The following TRPC6 variants were observed in gnomAD, a reference collection of about 807,000 sequenced individuals.
TRPC6 encodes short transient receptor potential channel 6.
A neutral mutation model predicts 90.7 loss-of-function variants in TRPC6; 55 were observed. The observed-to-expected ratio is 0.61, with a 90% CI of 0.49 to 0.76. The LOEUF (loss-of-function observed/expected upper bound fraction) is 0.76. TRPC6 is among the 30% of genes least tolerant of loss of function. The pLI is 0.00. For synonymous variants in TRPC6, 393 were observed against 393.0 expected, an observed-to-expected ratio of 1.00 and a Z score of 0.00; for missense variants, 989 against 1,122.7, an observed-to-expected ratio of 0.88 and a Z score of 1.70.
At chr11:101,533,872 C>T (rs1220812829) in intron 1 of TRPC6, among the ~76,000 whole-genome samples, 1 of 152,144 alleles carries the variant, frequency 6.6e-6, no homozygotes, top group Non-Finnish European at 1.5e-5. Context: ...GTATTCACAG[C>T]CCCACTCAGG....
At chr11:101,545,331 A>T (rs983597727) in intron 1 of TRPC6, among the ~76,000 whole-genome samples, 1 of 152,162 alleles carries the variant, frequency 6.6e-6, no homozygotes, top group Admixed American at 6.6e-5. Context: ...AGTATATAGG[A>T]GGGTGTGCCT....
chr11:101,582,864 G>A lies in TRPC6; in HGVS notation c.170+470C>T, dbSNP rs562187404. ...CGCTAAGCCAAGCGTGGAGACCGCC[G>A]GGCGCACCCAGCACCCAGGCAGCTC... On this transcript the variant is annotated intron_variant, in intron 1 of 12. Transcript: ENST00000344327. Among the ~76,000 whole-genome samples the A allele has an allele frequency of 9.2e-5, 14 of 152,180 alleles. No individual in the cohort carries two copies. In the South Asian group the frequency reaches 2.9e-3, roughly 32 times the overall value.
chr11:101,474,255 CTATAA>C (rs1176139511), intron 6 of TRPC6, among the ~76,000 whole-genome samples: 4 of 152,106 alleles, frequency 2.6e-5, no homozygotes, highest in African/African-American at 7.2e-5. Context: ...TATAATTACA[CTATAA>C]TATAATTTTA....
At chr11:101,546,693 C>G (rs1861314465) in intron 1 of TRPC6, among the ~76,000 whole-genome samples, 1 of 152,100 alleles carries the variant, frequency 6.6e-6, no homozygotes, top group South Asian at 2.1e-4. Flanking sequence ...ATTTGGGAAG[C>G]AGTGGATTTC....
At chr11:101,502,006 G>A (rs563162956) in intron 2 of TRPC6, among the ~76,000 whole-genome samples, 1 of 152,106 alleles carries the variant, frequency 6.6e-6, no homozygotes, top group Non-Finnish European at 1.5e-5. Context: ...TTAGCAAAAA[G>A]GTATGCATGT....
At chr11:101,563,310 G>GTGAAAA (rs1861755840) in intron 1 of TRPC6, among the ~76,000 whole-genome samples, 1 of 152,158 alleles carries the variant, frequency 6.6e-6, no homozygotes, top group African/African-American at 2.4e-5. Flanking sequence ...GTTGAGTCAG[G>GTGAAAA]TAGTTGTGAA....
intron 10 of TRPC6, among the ~76,000 whole-genome samples, chr11:101,468,049 C>T (rs1859192516): frequency 6.6e-6 from 1 of 152,130 alleles, no homozygotes; most frequent in Admixed American, 6.6e-5. Context: ...TTGCAATGAC[C>T]CTAATCTGCT....
chr11:101,511,985 T>G (rs190258086), intron 1 of TRPC6, among the ~76,000 whole-genome samples: 1 of 152,034 alleles, frequency 6.6e-6, no homozygotes, highest in East Asian at 1.9e-4. Context: ...AGAGCAAGAC[T>G]CAGTCTCAAA....
chr11:101,465,557 C>T (rs1859123954), intron 10 of TRPC6, among the ~76,000 whole-genome samples: 1 of 151,936 alleles, frequency 6.6e-6, no homozygotes, highest in Non-Finnish European at 1.5e-5. Flanking sequence ...TCTCTGATAT[C>T]CTTTCTTTGG....
chr11:101,569,463 A>T (rs1861908339), intron 1 of TRPC6, among the ~76,000 whole-genome samples: 1 of 152,214 alleles, frequency 6.6e-6, no homozygotes, highest in South Asian at 2.1e-4. Context: ...GATCAAAGAG[A>T]CAAAAAATTA....
chr11:101,559,416 C>A (rs1353424290), intron 1 of TRPC6, among the ~76,000 whole-genome samples: 1 of 152,136 alleles, frequency 6.6e-6, no homozygotes, highest in Non-Finnish European at 1.5e-5. Flanking sequence ...ACTAGCCCAG[C>A]AATTCCCTAG....
chr11:101,561,384 C>T (rs1031938339), intron 1 of TRPC6, among the ~76,000 whole-genome samples: 1 of 152,142 alleles, frequency 6.6e-6, no homozygotes, highest in Non-Finnish European at 1.5e-5. Flanking sequence ...TCATTCATTT[C>T]AGTTAGAATA....
chr11:101,557,598 T>C (rs1861588808), intron 1 of TRPC6, among the ~76,000 whole-genome samples: 2 of 147,734 alleles, frequency 1.4e-5, no homozygotes, highest in South Asian at 2.1e-4. Context: ...TAATTTTACA[T>C]ACAGAAAACT....
intron 1 of TRPC6, among the ~76,000 whole-genome samples, chr11:101,511,625 T>C (rs1196616852): frequency 2.0e-5 from 3 of 152,098 alleles, no homozygotes; most frequent in Non-Finnish European, 4.4e-5. Flanking sequence ...ACAAAGGAAG[T>C]TGAAAGCCGT....
intron 1 of TRPC6, among the ~76,000 whole-genome samples, chr11:101,516,540 C>T (rs545810981): frequency 1.3e-5 from 2 of 152,224 alleles, no homozygotes; most frequent in Admixed American, 1.3e-4. Flanking sequence ...TCTTTGCATG[C>T]CCTAAACAAT....
At chr11:101,549,385 C>CAT (rs10624249) in intron 1 of TRPC6, among the ~76,000 whole-genome samples, 36,758 of 151,334 alleles carry the variant, frequency 0.24, 4,759 homozygotes, top group East Asian at 0.4. Context: ...GCAAAACAAA[C>CAT]ATGTGAATAA....
intron 10 of TRPC6, among the ~76,000 whole-genome samples, chr11:101,465,712 T>C (rs1859129191): frequency 6.6e-6 from 1 of 152,122 alleles, no homozygotes; most frequent in Non-Finnish European, 1.5e-5. Flanking sequence ...AGGTTCTTAG[T>C]TTTTTCGCAC....
intron 1 of TRPC6, among the ~76,000 whole-genome samples, chr11:101,582,063 T>A (rs1862209401): frequency 6.6e-6 from 1 of 152,228 alleles, no homozygotes; most frequent in Non-Finnish European, 1.5e-5. Flanking sequence ...TTGTACAAGT[T>A]AAATGGGGGA....
intron 2 of TRPC6, among the ~76,000 whole-genome samples, chr11:101,496,408 T>C (rs927354672): frequency 1.3e-5 from 2 of 152,226 alleles, no homozygotes; most frequent in Admixed American, 6.5e-5. Flanking sequence ...CATGGAGCTC[T>C]ATGGTGATGA....
Sources: allele counts gnomAD v4.1 joint callset (sites outside exome capture counted in the v4.1 genomes callset), GRCh38; gene constraint gnomAD v4.1.1; transcripts MANE v1.5; gene names NCBI Gene and HGNC (gene_info 2026-07-23, HGNC 2026-07-21).